The following TRIO variants were observed in gnomAD, a reference collection of about 807,000 sequenced individuals.
TRIO encodes trio Rho guanine nucleotide exchange factor, also known as triple functional domain protein.
A neutral mutation model predicts 351.9 loss-of-function variants in TRIO; 58 were observed. The ratio of observed to expected loss-of-function variants is 0.16; its 90% CI spans 0.13 to 0.21. TRIO has a LOEUF of 0.21. Ranked by LOEUF, TRIO falls within the 10% of genes least tolerant of loss-of-function variation. TRIO has a pLI of 1.00. For missense variants in TRIO, 3,201 were observed against 4,027.8 expected (o/e 0.79, Z 5.56); for synonymous variants, 1,758 against 1,595.7 (o/e 1.10, Z -2.42).
intron 1 of TRIO, among the ~76,000 whole-genome samples, chr5:14,149,278 T>C (rs918648452): frequency 1.3e-5 from 2 of 152,210 alleles, no homozygotes; most frequent in Non-Finnish European, 1.5e-5. Context: ...GATTGTCCAG[T>C]GAGGACTCCC....
chr5:14,154,074 G>T (rs1344523801), intron 1 of TRIO, among the ~76,000 whole-genome samples: 1 of 152,208 alleles, frequency 6.6e-6, no homozygotes, highest in Non-Finnish European at 1.5e-5. Flanking sequence ...GTGGAGGCAT[G>T]TTGGCTCTGT....
intron 1 of TRIO, among the ~76,000 whole-genome samples, chr5:14,150,232 T>C (rs1451366469): frequency 6.6e-6 from 1 of 152,024 alleles, no homozygotes; most frequent in Non-Finnish European, 1.5e-5. Flanking sequence ...CTGTATGAGT[T>C]CCTTTATATG....
At chr5:14,422,030 C>T (rs922780352) in intron 34 of TRIO, among the ~76,000 whole-genome samples, 1 of 152,214 alleles carries the variant, frequency 6.6e-6, no homozygotes, top group African/African-American at 2.4e-5. Context: ...GCCGGCCTGC[C>T]CATGCCAGCC....
intron 6 of TRIO, among the ~76,000 whole-genome samples, chr5:14,294,725 C>T (rs1036951028): frequency 6.6e-6 from 1 of 152,130 alleles, no homozygotes; most frequent in Non-Finnish European, 1.5e-5. Context: ...CCTCTTCGAG[C>T]CTCAGTTTCC....
At chr5:14,396,376 G>C (rs42555) in intron 28 of TRIO, among the ~76,000 whole-genome samples, 35,835 of 146,894 alleles carry the variant, frequency 0.24, 4,722 homozygotes, top group Middle Eastern at 0.4. Flanking sequence ...AGTTGGACCT[G>C]ACATGGCAGT....
intron 20 of TRIO, among the ~76,000 whole-genome samples, chr5:14,378,965 G>C (rs1488789877): frequency 6.6e-6 from 1 of 152,154 alleles, no homozygotes; most frequent in Non-Finnish European, 1.5e-5. Flanking sequence ...GCTTCTGCCT[G>C]TATCATCAGT....
chr5:14,318,821 C>G (rs1317578717), intron 9 of TRIO, among the ~76,000 whole-genome samples: 3 of 152,206 alleles, frequency 2.0e-5, no homozygotes, highest in Non-Finnish European at 4.4e-5. Context: ...TTCCTTGTAT[C>G]CCTTAGGTTG....
intron 34 of TRIO, among the ~76,000 whole-genome samples, chr5:14,457,591 A>G (rs1753452430): frequency 6.6e-6 from 1 of 151,978 alleles, no homozygotes. Flanking sequence ...TACAACAACT[A>G]GCTCCTTTCC....
intron 34 of TRIO, among the ~76,000 whole-genome samples, chr5:14,427,449 G>C (rs1047550320): frequency 3.3e-5 from 5 of 152,196 alleles, no homozygotes; most frequent in Non-Finnish European, 5.9e-5. Context: ...CTCACTGCTC[G>C]TGTTCCCAGC....
chr5:14,146,102 C>G (rs1209360723), intron 1 of TRIO, among the ~76,000 whole-genome samples: 1 of 152,010 alleles, frequency 6.6e-6, no homozygotes, highest in Non-Finnish European at 1.5e-5. Context: ...GCTCTGAGTC[C>G]CTGACCTAGA....
At chr5:14,384,381 G>C (rs534929132) in intron 21 of TRIO, among the ~76,000 whole-genome samples, 11 of 152,326 alleles carry the variant, frequency 7.2e-5, no homozygotes, top group African/African-American at 2.6e-4. Flanking sequence ...GTGGACTTAA[G>C]ACTTCAATTT....
intron 34 of TRIO, among the ~76,000 whole-genome samples, chr5:14,422,022 C>T (rs906854753): frequency 3.3e-5 from 5 of 152,206 alleles, no homozygotes; most frequent in South Asian, 2.1e-4. Context: ...TGGCATGTGC[C>T]GGCCTGCCCA....
rs73053578 is a variant in TRIO, at chr5:14,148,242, C to A, written c.157+4360C>A. On this transcript the variant is annotated intron_variant, in intron 1 of 56. Transcript: ENST00000344204. ...GAAGCATGTGGTTTACATATGTTTCCTAAATGTACCCTAAAAATATGTAAT... is the reference window on the plus strand; with the variant it reads ...GAAGCATGTGGTTTACATATGTTTCATAAATGTACCCTAAAAATATGTAAT... Among the ~76,000 whole-genome samples, 797 of 152,150 alleles carry A rather than the reference C, an allele frequency of 5.2e-3. 6 individuals are homozygous for A. Among genetic ancestry groups the A allele is most frequent in the African/African-American group, 0.018 (750 of 41,476 alleles).
chr5:14,426,799 C>T (rs528225510), intron 34 of TRIO, among the ~76,000 whole-genome samples: 1 of 152,114 alleles, frequency 6.6e-6, no homozygotes. Context: ...GTGGGAGACT[C>T]TCAGCACAGA....
chr5:14,337,105 C>G (rs1025357974), intron 11 of TRIO, among the ~76,000 whole-genome samples: 2 of 152,186 alleles, frequency 1.3e-5, no homozygotes, highest in Admixed American at 6.5e-5. Flanking sequence ...TTTTACGAGA[C>G]TTCTCTCAGA....
In TRIO at chr5:14,487,878, G is replaced by T. The variant is rs927883781; in HGVS notation, c.7250G>T (p.Ser2417Ile). ...ATCCCCAAGATGAAGGTGCTGGAGA[G>T]CCCCAGGAAAGGCGCCGCGAACGCC... ...EPIPKMKVLE[S>I]PRKGAANASG... The change falls in exon 48 of 57, where the codon AGC becomes ATC. Residue 2417 changes from serine to isoleucine, a missense_variant. Transcript: ENST00000344204. The T allele has an allele frequency of 1.3e-6, 2 of 1,540,402 alleles. No homozygotes were observed. Among genetic ancestry groups the T allele is most frequent in the East Asian group, 2.5e-5 (1 of 40,192 alleles).
chr5:14,471,383 C>A lies in TRIO; in HGVS notation c.5829C>A (p.Asn1943Lys). 6.2e-7 allele frequency: 1 copy of A among 1,614,176 alleles called. No individual in the cohort carries two copies. The highest frequency in any genetic ancestry group is 8.5e-7 in the Non-Finnish European group (1 of 1,180,036). ...DQGDSSSPSF[N>K]PSDNSLLSSS... Reference sequence around the variant, plus strand: ...GAGATAGTAGCAGCCCTTCCTTCAACCCTTCGGATAATTCCCTTCTCTCTT... The same window carrying A: ...GAGATAGTAGCAGCCCTTCCTTCAAACCTTCGGATAATTCCCTTCTCTCTT... Residue 1943 changes from asparagine (N) to lysine (K), a missense_variant, in exon 38 of 57, where the codon AAC becomes AAA. Physicochemically the swap from Asn to Lys is moderately conservative, Grantham distance 94 (BLOSUM62 0). Around this residue, in one of 19 missense-constraint regions of TRIO, gnomAD observed 307 missense variants for 396.5 expected, o/e 0.77. Transcript: ENST00000344204.
intron 33 of TRIO, among the ~76,000 whole-genome samples, chr5:14,411,531 A>T (rs189687697): frequency 6.1e-5 from 9 of 148,284 alleles, no homozygotes; most frequent in Non-Finnish European, 1.3e-4. Context: ...TGATAACTTC[A>T]TGTGGAACCC....
intron 10 of TRIO, among the ~76,000 whole-genome samples, chr5:14,334,061 G>C (rs1350902331): frequency 1.3e-5 from 2 of 152,214 alleles, no homozygotes; most frequent in Non-Finnish European, 2.9e-5. Flanking sequence ...AACAATCCCA[G>C]CTCTGCTGAC....
Sources: allele counts gnomAD v4.1 joint callset (sites outside exome capture counted in the v4.1 genomes callset), GRCh38; gene constraint gnomAD v4.1.1; regional missense constraint gnomAD v4.1.1; transcripts MANE v1.5; gene names NCBI Gene and HGNC (gene_info 2026-07-23, HGNC 2026-07-21).